CCDC141: variants seen among roughly 807,000 people sequenced by gnomAD.
CCDC141 encodes the protein coiled-coil domain containing 141, also known as coiled-coil domain-containing protein 141.
A neutral mutation model predicts 181.0 loss-of-function variants in CCDC141; 168 were observed. That is an observed-to-expected ratio of 0.93 (90% CI 0.82 to 1.05). CCDC141 has a LOEUF of 1.05. Ranked by LOEUF, CCDC141 falls within the 50% of genes least tolerant of loss-of-function variation. The pLI is 0.00. For missense variants in CCDC141, 1,902 were observed against 1,788.5 expected (o/e 1.06, Z -1.14); for synonymous variants, 666 against 642.3 (o/e 1.04, Z -0.56).
chr2:178,897,444 C>G (rs1406155923), intron 8 of CCDC141, among the ~76,000 whole-genome samples: 1 of 152,144 alleles, frequency 6.6e-6, no homozygotes, highest in Non-Finnish European at 1.5e-5. Flanking sequence ...AAGCAAAATC[C>G]AATTAACTCC....
intron 6 of CCDC141, among the ~76,000 whole-genome samples, chr2:178,942,892 A>T (rs1689579153): frequency 6.6e-6 from 1 of 152,190 alleles, no homozygotes; most frequent in Non-Finnish European, 1.5e-5. Context: ...TGATGGAAAG[A>T]ATATCTATAT....
At chr2:179,015,089 T>TACATATATATATA (rs1319398966) in intron 2 of CCDC141, among the ~76,000 whole-genome samples, 1 of 47,124 alleles carries the variant, frequency 2.1e-5, no homozygotes, top group African/African-American at 6.4e-5. Flanking sequence ...TATATATATA[T>TACATATATATATA]ATATATATAT....
chr2:178,970,981 G>A (rs553441974), intron 4 of CCDC141, among the ~76,000 whole-genome samples: 11 of 152,176 alleles, frequency 7.2e-5, no homozygotes, highest in East Asian at 1.9e-4. Context: ...AGGCTGAGGC[G>A]GGCAGATCAC....
chr2:179,009,350 T>C (rs756943379), intron 2 of CCDC141, among the ~76,000 whole-genome samples: 5 of 152,216 alleles, frequency 3.3e-5, no homozygotes, highest in Non-Finnish European at 5.9e-5. Flanking sequence ...TTTTGTCATA[T>C]TACCATGGTT....
intron 8 of CCDC141, among the ~76,000 whole-genome samples, chr2:178,892,305 T>A (rs763997676): frequency 6.6e-6 from 1 of 152,200 alleles, no homozygotes. Flanking sequence ...GTCCTGTGTG[T>A]ACTCCACTCT....
intron 22 of CCDC141, 78 bp downstream of exon 22, chr2:178,845,548 C>A: frequency 1.3e-6 from 1 of 799,644 alleles, no homozygotes. Context: ...CTGCAATTCA[C>A]TTTTATTTTG....
chr2:178,837,296 T>A lies in CCDC141; in HGVS notation c.3923A>T (p.Lys1308Met), dbSNP rs1684521211. ...ACTGATTCTGTGTAAGGCAGTACTC[T>A]TTTCCACGAATCCTCTGGAGGTTAG... is the stretch of plus-strand genomic sequence containing the variant. Reference protein sequence around the residue: ...PPLTSRGFVEKSTALHRISAE... With the variant: ...PPLTSRGFVEMSTALHRISAE... Residue 1308 changes from lysine to methionine, a missense_variant, in exon 23 of 24, where the codon AAG (lysine) becomes ATG (methionine). Physicochemically the swap from Lys to Met is moderately conservative, Grantham distance 95. Transcript: ENST00000443758. The A allele has an allele frequency of 6.2e-7, 1 of 1,614,062 alleles. No individual in the cohort carries two copies. Among genetic ancestry groups the A allele is most frequent in the Admixed American group, 1.7e-5 (1 of 60,012 alleles).
At chr2:179,015,099 T>TA (rs1553502758) in intron 2 of CCDC141, among the ~76,000 whole-genome samples, 2 of 50,534 alleles carry the variant, frequency 4.0e-5, no homozygotes, top group African/African-American at 1.2e-4. Flanking sequence ...TATATATATA[T>TA]ATATAATATA....
chr2:178,954,043 CT>C (rs1319033918), intron 5 of CCDC141, among the ~76,000 whole-genome samples: 18 of 152,170 alleles, frequency 1.2e-4, no homozygotes, highest in Admixed American at 2.0e-4. Flanking sequence ...CTTCCTGCCC[CT>C]AAAGGTGTAT....
At chr2:178,867,893 C>T in intron 16 of CCDC141, 133 bp downstream of exon 16, 2 of 695,800 alleles carry the variant, frequency 2.9e-6, no homozygotes, top group Non-Finnish European at 4.4e-6. Context: ...AAATGAATCA[C>T]AAATAACTAC....
At chr2:179,014,511 C>G (rs1033511296) in intron 2 of CCDC141, among the ~76,000 whole-genome samples, 15 of 152,086 alleles carry the variant, frequency 9.9e-5, no homozygotes, top group Non-Finnish European at 7.3e-5. Context: ...AAAATCTTCA[C>G]AATCTATACA....
chr2:178,917,027 G>A (rs1688485225), intron 7 of CCDC141, among the ~76,000 whole-genome samples: 1 of 151,734 alleles, frequency 6.6e-6, no homozygotes, highest in Non-Finnish European at 1.5e-5. Flanking sequence ...ACAAAATAAT[G>A]AGAGCAGAGA....
At chr2:178,985,404 G>T (rs1691674435) in intron 2 of CCDC141, among the ~76,000 whole-genome samples, 2 of 139,910 alleles carry the variant, frequency 1.4e-5, no homozygotes, top group South Asian at 2.5e-4. Flanking sequence ...ACAATTAAAA[G>T]AACTAGAAAA....
At chr2:178,820,811 G>T in the CCDC141 span, among the ~76,000 whole-genome samples, 2 of 152,118 alleles carry the variant, frequency 1.3e-5, no homozygotes, top group African/African-American at 4.8e-5. Flanking sequence ...GCCTGAAACT[G>T]GTACTGAGCT....
chr2:178,980,540 C>T (rs1691329619), intron 2 of CCDC141, among the ~76,000 whole-genome samples: 1 of 152,152 alleles, frequency 6.6e-6, no homozygotes, highest in South Asian at 2.1e-4. Flanking sequence ...AAAACTAAGG[C>T]TGAAGCAAGA....
chr2:178,839,237 C>T (rs184561011), intron 22 of CCDC141, among the ~76,000 whole-genome samples: 21 of 152,132 alleles, frequency 1.4e-4, no homozygotes, highest in African/African-American at 5.1e-4. Context: ...CATGGTGAAA[C>T]CCCACCTCTA....
intron 2 of CCDC141, among the ~76,000 whole-genome samples, chr2:178,981,776 A>G (rs1431608464): frequency 6.7e-6 from 1 of 149,512 alleles, no homozygotes; most frequent in Non-Finnish European, 1.5e-5. Flanking sequence ...AATCTTAAGT[A>G]AACAGAAGAA....
At chr2:178,828,198 C>G (rs576117452), downstream of CCDC141, among the ~76,000 whole-genome samples, 2 of 152,128 alleles carry the variant, frequency 1.3e-5, no homozygotes, top group Non-Finnish European at 2.9e-5. Context: ...ATTGTGGTCT[C>G]TAACTTCTCG....
At chr2:179,033,282 T>A (rs1229027732) in intron 2 of CCDC141, among the ~76,000 whole-genome samples, 1 of 151,992 alleles carries the variant, frequency 6.6e-6, no homozygotes, top group East Asian at 1.9e-4. Context: ...TGTGCTATGA[T>A]ATTTGCATAA....
Sources: allele counts gnomAD v4.1 joint callset (sites outside exome capture counted in the v4.1 genomes callset), GRCh38; gene constraint gnomAD v4.1.1; transcripts MANE v1.5; gene names NCBI Gene and HGNC (gene_info 2026-07-23, HGNC 2026-07-21).